The following LAMTOR4 variants were observed in gnomAD, a reference collection of about 807,000 sequenced individuals.
The protein encoded by LAMTOR4 is ragulator complex protein LAMTOR4.
In LAMTOR4, 11 loss-of-function variants were observed where a neutral mutation model predicts 13.5. The ratio of observed to expected loss-of-function variants is 0.82; its 90% CI spans 0.51 to 1.35. The LOEUF (loss-of-function observed/expected upper bound fraction) is 1.35. Among genes scored for constraint, LAMTOR4 ranks in the 40% most tolerant of loss-of-function variants. LAMTOR4 has a pLI of 0.00. For missense variants in LAMTOR4, 128 were observed against 126.2 expected (o/e 1.01, Z -0.07); for synonymous variants, 69 against 52.3 (o/e 1.32, Z -1.38).
intron 1 of LAMTOR4, 79 bp downstream of exon 1, chr7:100,149,054 G>T: frequency 6.5e-7 from 1 of 1,543,282 alleles, no homozygotes. Context: ...TTTCCCCCTG[G>T]TGGGCCTGCG....
intron 2 of LAMTOR4, 68 bp from the exon 3 acceptor site, chr7:100,153,332 G>T: frequency 9.0e-7 from 1 of 1,115,812 alleles, no homozygotes; most frequent in Non-Finnish European, 1.3e-6. Flanking sequence ...CAAGGGGACT[G>T]TGCCTGGAAT....
intron 2 of LAMTOR4, among the ~76,000 whole-genome samples, chr7:100,151,064 G>GT (rs2116943648): frequency 6.6e-6 from 1 of 151,600 alleles, no homozygotes; most frequent in Non-Finnish European, 1.5e-5. Context: ...GAAGAGTTTT[G>GT]TTTTTGTTTT....
intron 2 of LAMTOR4, among the ~76,000 whole-genome samples, chr7:100,151,569 T>C (rs1474909105): frequency 6.6e-6 from 1 of 151,664 alleles, no homozygotes; most frequent in Admixed American, 6.6e-5. Flanking sequence ...TTTGTATTTT[T>C]AGTAGAGATG....
intron 2 of LAMTOR4, among the ~76,000 whole-genome samples, chr7:100,153,090 G>A (rs752093690): frequency 1.9e-4 from 29 of 151,808 alleles, no homozygotes; most frequent in African/African-American, 3.1e-4. Flanking sequence ...AACCCGAGAG[G>A]CCGAGATTGC....
Position 100,153,428 on chromosome 7 carries a change from A to G in LAMTOR4, c.113A>G (p.Gln38Arg), listed in dbSNP as rs1023123558. 1.2e-6 allele frequency: 2 copies of G among 1,611,322 alleles called. No homozygotes were observed. ...TCTGGGGACCTGGAGAATGATGAGC[A>G]GGCAGCCAGTGCCATCTCTGAGCTG... ...ASSGDLENDE[Q>R]AASAISELVS... is the part of the protein sequence containing the mutation. Residue 38 changes from glutamine to arginine, a missense_variant, in exon 3 of 4, where the codon CAG (glutamine) becomes CGG (arginine). Physicochemically the swap from Gln to Arg is conservative, Grantham distance 43. Coordinates refer to ENST00000341942, the MANE Select transcript of LAMTOR4 (RefSeq NM_001008395.4).
In LAMTOR4 at chr7:100,149,516, G is replaced by C. The variant is rs59107283; in HGVS notation, c.21G>C (p.Gln7His). ...CCCACTAGACTTCTGCGCTGACCCA[G>C]GGGCTGGAGCGAATCCCAGACCAGC... MTSALT[Q>H]GLERIPDQLG... Residue 7 changes from glutamine (Q) to histidine (H), a missense_variant, in exon 2 of 4, where the codon CAG (glutamine) becomes CAC (histidine). Transcript: ENST00000341942. The C allele has an allele frequency of 8.1e-6, 13 of 1,613,574 alleles. No homozygotes were observed. The highest frequency in any genetic ancestry group is 1.1e-5 in the Non-Finnish European group (13 of 1,179,654).
intron 2 of LAMTOR4, among the ~76,000 whole-genome samples, chr7:100,152,215 C>T (rs978191600): frequency 2.6e-5 from 4 of 151,916 alleles, no homozygotes; most frequent in Admixed American, 6.6e-5. Flanking sequence ...TTCGAGAGCA[C>T]CCTAGCCAAC....
At chr7:100,152,391 G>A (rs1168857549) in intron 2 of LAMTOR4, among the ~76,000 whole-genome samples, 2 of 142,568 alleles carry the variant, frequency 1.4e-5, no homozygotes, top group African/African-American at 5.3e-5. Context: ...GATAGAGTGA[G>A]ACTCTGTCTC....
At chr7:100,152,918 C>T (rs569233086) in intron 2 of LAMTOR4, among the ~76,000 whole-genome samples, 12 of 152,208 alleles carry the variant, frequency 7.9e-5, no homozygotes, top group African/African-American at 2.9e-4. Flanking sequence ...TTTTGGGAGG[C>T]TGAGGCGGGC....
At chr7:100,149,449 C>A in intron 1 of LAMTOR4, 50 bp from the exon 2 acceptor site, 1 of 1,259,116 alleles carries the variant, frequency 7.9e-7, no homozygotes, top group Non-Finnish European at 1.2e-6. Context: ...GGGTATCGGG[C>A]CGTCCATCCC....
intron 2 of LAMTOR4, among the ~76,000 whole-genome samples, chr7:100,151,000 A>G (rs558259011): frequency 2.0e-5 from 3 of 151,588 alleles, no homozygotes; most frequent in Admixed American, 6.6e-5. Context: ...AAAAAAACAA[A>G]AAAAAAAAGA....
chr7:100,153,966 C>G lies in LAMTOR4; in HGVS notation c.*2C>G. The G allele has an allele frequency of 6.3e-7, 1 of 1,578,634 alleles. No individual in the cohort carries two copies. Among genetic ancestry groups the G allele is most frequent in the Non-Finnish European group, 8.6e-7 (1 of 1,161,978 alleles). On this transcript the variant is annotated 3_prime_UTR_variant, in exon 4 of 4. Transcript: ENST00000341942. Reference sequence around the variant, plus strand: ...GGTCGGGAGCCCATTGATGTCTGAGCCTGCCGGAGGGCGAGGGTCGGAGAA... The same window carrying G: ...GGTCGGGAGCCCATTGATGTCTGAGGCTGCCGGAGGGCGAGGGTCGGAGAA...
intron 2 of LAMTOR4, among the ~76,000 whole-genome samples, chr7:100,151,087 T>C (rs558683052): frequency 6.6e-6 from 1 of 151,724 alleles, no homozygotes; most frequent in South Asian, 2.1e-4. Flanking sequence ...TTTGTTTTTG[T>C]TTTTTGAGAC....
rs1392602809 is a variant in LAMTOR4, at chr7:100,153,429, G to A, written c.114G>A (p.Gln38=). ...ASSGDLENDE[Q]AASAISELVS... is the part of the protein sequence containing the mutation. The stretch of plus-strand genomic sequence containing the variant: ...CTGGGGACCTGGAGAATGATGAGCA[G>A]GCAGCCAGTGCCATCTCTGAGCTGG... The change falls in exon 3 of 4, where the codon CAG becomes CAA. Residue 38 remains glutamine, a synonymous_variant. Transcript: ENST00000341942. 14 of 1,611,166 alleles carry A rather than the reference G, an allele frequency of 8.7e-6. No homozygotes were observed. The highest frequency in any genetic ancestry group is 1.2e-5 in the Non-Finnish European group (14 of 1,179,766).
At chr7:100,150,567 C>T (rs1011148729) in intron 2 of LAMTOR4, among the ~76,000 whole-genome samples, 4 of 152,176 alleles carry the variant, frequency 2.6e-5, no homozygotes, top group Non-Finnish European at 4.4e-5. Context: ...GGTTAACACA[C>T]TTGAACTTAT....
intron 3 of LAMTOR4, 66 bp downstream of exon 3, chr7:100,153,583 G>C: frequency 7.2e-7 from 1 of 1,383,592 alleles, no homozygotes; most frequent in Non-Finnish European, 1.0e-6. Context: ...GGGGCTTCTC[G>C]GCTTCTCTTC....
At chr7:100,152,619 G>GAAGC (rs1798739312) in intron 2 of LAMTOR4, 1 of 152,174 alleles carries the variant, frequency 6.6e-6, no homozygotes, top group African/African-American at 2.4e-5. Context: ...CAGAAAAGAG[G>GAAGC]AAGCCCAAGC....
intron 2 of LAMTOR4, among the ~76,000 whole-genome samples, chr7:100,150,365 C>T (rs1377572960): frequency 6.6e-6 from 1 of 152,202 alleles, no homozygotes; most frequent in African/African-American, 2.4e-5. Context: ...AGGTAACTAA[C>T]TTTCCGGGAG....
At chr7:100,153,571 CA>C (rs1562950318) in intron 3 of LAMTOR4, 54 bp downstream of exon 3, 1 of 1,464,170 alleles carries the variant, frequency 6.8e-7, no homozygotes, top group Admixed American at 1.7e-5. Context: ...GGGCTACTTC[CA>C]GGGGCTTCTC....
Sources: allele counts gnomAD v4.1 joint callset (sites outside exome capture counted in the v4.1 genomes callset), GRCh38; gene constraint gnomAD v4.1.1; transcripts MANE v1.5; gene names NCBI Gene and HGNC (gene_info 2026-07-23, HGNC 2026-07-21).